Variants in HERC5 observed in about 807,000 individuals in gnomAD.
HERC5 encodes E3 ISG15--protein ligase HERC5.
A neutral mutation model predicts 119.6 loss-of-function variants in HERC5; 99 were observed. The observed-to-expected ratio is 0.83, with a 90% CI of 0.70 to 0.98. The LOEUF is 0.98. Among genes scored for constraint, HERC5 ranks in the 50% least tolerant of loss-of-function variants. The pLI, the probability that HERC5 is intolerant of heterozygous loss-of-function variation, is 0.00. For synonymous variants in HERC5, 478 were observed against 445.9 expected (o/e 1.07, Z -0.91); for missense variants, 1,267 against 1,241.3 (o/e 1.02, Z -0.31).
At chr4:88,461,780 C>T (rs943434065) in intron 3 of HERC5, among the ~76,000 whole-genome samples, 1 of 152,050 alleles carries the variant, frequency 6.6e-6, no homozygotes, top group Admixed American at 6.6e-5. Flanking sequence ...AAAACAGTAG[C>T]GCTGGGGTTT....
intron 11 of HERC5, among the ~76,000 whole-genome samples, chr4:88,474,077 A>G (rs868322926): frequency 6.6e-6 from 1 of 152,200 alleles, no homozygotes; most frequent in African/African-American, 2.4e-5. Context: ...CACTGTAATG[A>G]TGACTCGATG....
intron 9 of HERC5, among the ~76,000 whole-genome samples, chr4:88,469,964 C>G (rs1740811180): frequency 6.6e-6 from 1 of 152,154 alleles, no homozygotes; most frequent in African/African-American, 2.4e-5. Flanking sequence ...CCATTTGATC[C>G]TGGAACCATT....
In HERC5 at chr4:88,465,330, C is replaced by G. The variant is rs185446308; in HGVS notation, c.911+1345C>G. The stretch of plus-strand genomic sequence containing the variant: ...ACACTTATTCTTTTGGGCAGTTTTT[C>G]CCTCACTAAACGTAGAGCAAAATTC... On this transcript the variant is annotated intron_variant, in intron 6 of 22. Transcript: ENST00000264350. Among the ~76,000 whole-genome samples, 20 of 152,272 alleles carry G rather than the reference C, an allele frequency of 1.3e-4. No homozygotes were observed. The East Asian group carries it at 3.3e-3, about 25-fold the overall frequency.
At chr4:88,458,809 A>G (rs1740292863) in intron 1 of HERC5, among the ~76,000 whole-genome samples, 1 of 152,220 alleles carries the variant, frequency 6.6e-6, no homozygotes, top group Admixed American at 6.5e-5. Context: ...ACTAATGCCA[A>G]TGAAAAATGT....
chr4:88,457,652 C>A, intron 1 of HERC5, 118 bp downstream of exon 1: 1 of 1,081,462 alleles, frequency 9.2e-7, no homozygotes, highest in Non-Finnish European at 1.2e-6. Context: ...AGGCCGCAGA[C>A]GCGCGCCTGG....
intron 20 of HERC5, among the ~76,000 whole-genome samples, chr4:88,501,884 C>T (rs111384872): frequency 1.3e-5 from 2 of 152,068 alleles, no homozygotes; most frequent in Admixed American, 6.6e-5. Flanking sequence ...CTGCAACCTC[C>T]GCCTCCCGGG....
chr4:88,460,288 T>C, intron 3 of HERC5, 117 bp downstream of exon 3: 1 of 507,006 alleles, frequency 2.0e-6, no homozygotes, highest in South Asian at 3.6e-5. Context: ...TTGAATTTGA[T>C]ATGGTTCCGA....
chr4:88,494,598 C>T (rs1741746350), intron 18 of HERC5, among the ~76,000 whole-genome samples: 1 of 152,214 alleles, frequency 6.6e-6, no homozygotes, highest in Non-Finnish European at 1.5e-5. Context: ...GCACAGGTTA[C>T]ACCTTGGTGC....
At chr4:88,491,172 T>G (rs1741626896) in intron 16 of HERC5, among the ~76,000 whole-genome samples, 1 of 152,162 alleles carries the variant, frequency 6.6e-6, no homozygotes, top group Non-Finnish European at 1.5e-5. Flanking sequence ...TGACACCTGG[T>G]CTTGCTACAA....
chr4:88,472,650 G>T, intron 11 of HERC5, 148 bp downstream of exon 11: 1 of 647,230 alleles, frequency 1.5e-6, no homozygotes. Context: ...TAACATTTAG[G>T]AGTTTGCCCT....
rs563350610 is a variant in HERC5, at chr4:88,461,993, A to T, written c.467-142A>T. 1.0e-5 allele frequency: 7 copies of T among 680,644 alleles called. No individual in the cohort carries two copies. The South Asian group carries it at 1.3e-4, about 13-fold the overall frequency. The allele number at this position is 680,644 out of a possible 1,614,324, so 42.2% of individuals were successfully genotyped here. A position where few individuals can be genotyped will look rare whatever the true frequency, so the allele number is the denominator to read the frequency against. On this transcript the variant is annotated intron_variant, in intron 3 of 22. Coordinates refer to ENST00000264350, the MANE Select transcript of HERC5 (RefSeq NM_016323.4). ...AGAAGATTCTGTGTTTTTCTGTGGCAGACATAGGGTAACTGAGAGTACCAT... is the reference window on the plus strand; with the variant it reads ...AGAAGATTCTGTGTTTTTCTGTGGCTGACATAGGGTAACTGAGAGTACCAT...
chr4:88,498,137 C>G (rs948084063), intron 18 of HERC5, among the ~76,000 whole-genome samples: 11 of 152,196 alleles, frequency 7.2e-5, no homozygotes, highest in Admixed American at 7.2e-4. Context: ...GGATACTCCA[C>G]AGAGCCATGG....
chr4:88,502,033 CATG>C (rs1332784752), intron 20 of HERC5, among the ~76,000 whole-genome samples: 1 of 152,208 alleles, frequency 6.6e-6, no homozygotes, highest in Non-Finnish European at 1.5e-5. Context: ...CTCCTGACCT[CATG>C]ATCCACCCAC....
intron 1 of HERC5, chr4:88,458,184 A>T: frequency 1.7e-6 from 1 of 574,016 alleles, no homozygotes; most frequent in Non-Finnish European, 2.2e-6. Flanking sequence ...TGGAAGAGGT[A>T]TTTGAATATT....
At chr4:88,488,807 T>C (rs1741546744) in intron 15 of HERC5, among the ~76,000 whole-genome samples, 1 of 152,158 alleles carries the variant, frequency 6.6e-6, no homozygotes, top group South Asian at 2.1e-4. Context: ...CATGTTGCAG[T>C]GCACTGTTTC....
At chr4:88,463,274 T>C (rs996424097) in intron 4 of HERC5, among the ~76,000 whole-genome samples, 2 of 152,200 alleles carry the variant, frequency 1.3e-5, no homozygotes, top group African/African-American at 4.8e-5. Context: ...GTGAATCAAG[T>C]CATAACTGAG....
At position 88,494,311 on chromosome 4, in the gene HERC5, A is replaced by G. The variant is rs1741739230; in HGVS notation, c.2424A>G (p.Glu808=). ...DQMPSLEDLK[E]LSPDLGKNLQ... ...TGCCATCATTGGAAGACTTGAAAGA[A>G]CTCAGTCCTGATTTGGGAAAGTAAG... is the stretch of plus-strand genomic sequence containing the variant. The change falls in exon 18 of 23, where the codon GAA becomes GAG. Residue 808 remains glutamate (E), a synonymous_variant. Transcript: ENST00000264350. The G allele has an allele frequency of 1.9e-6, 3 of 1,613,010 alleles. No homozygotes were observed. Among genetic ancestry groups the G allele is most frequent in the African/African-American group, 1.3e-5 (1 of 74,852 alleles).
At chr4:88,458,977 T>C (rs1740303468) in intron 1 of HERC5, among the ~76,000 whole-genome samples, 1 of 152,218 alleles carries the variant, frequency 6.6e-6, no homozygotes, top group Non-Finnish European at 1.5e-5. Flanking sequence ...TATTTGTTCT[T>C]GAAATGAGAT....
rs1475755924 is a variant in HERC5 at position 88,499,926 on chromosome 4, G to T, written c.2445G>T (p.Lys815Asn). The T allele has an allele frequency of 6.3e-7, 1 of 1,599,550 alleles. No homozygotes were observed. Residue 815 changes from lysine (K) to asparagine (N), a missense_variant and splice_region_variant, in exon 19 of 23, where the codon AAG becomes AAT. Transcript: ENST00000264350. ...DLKELSPDLG[K>N]NLQTLLDDEG... is the part of the protein sequence containing the mutation. ...AAAAGCAAGATTATTTTTTCCTTAG[G>T]AATTTGCAAACACTTCTGGATGATG...
Sources: allele counts gnomAD v4.1 joint callset (sites outside exome capture counted in the v4.1 genomes callset), GRCh38; gene constraint gnomAD v4.1.1; transcripts MANE v1.5; gene names NCBI Gene and HGNC (gene_info 2026-07-23, HGNC 2026-07-21).